Variants in MEGF11 observed in about 807,000 individuals in gnomAD.
MEGF11 encodes multiple EGF like domains 11, also known as multiple epidermal growth factor-like domains protein 11.
MEGF11 carries 126 observed loss-of-function variants against 146.6 expected under a neutral mutation model. The observed-to-expected ratio is 0.86, with a 90% confidence interval of 0.74 to 1.00. The LOEUF is 1.00. Ranked by LOEUF, MEGF11 falls within the 50% of genes least tolerant of loss-of-function variation. MEGF11 has a pLI of 0.00. For missense variants in MEGF11, 1,509 were observed against 1,521.2 expected, an observed-to-expected ratio of 0.99 and a Z score of 0.13; for synonymous variants, 532 against 583.4, an observed-to-expected ratio of 0.91 and a Z score of 1.27.
intron 5 of MEGF11, among the ~76,000 whole-genome samples, chr15:66,079,537 A>AACC (rs796735897): frequency 8.2e-6 from 1 of 122,060 alleles, no homozygotes; most frequent in South Asian, 2.8e-4. Context: ...CTTCATTCAC[A>AACC]CCCCCCCCCC....
At chr15:66,094,627 G>C (rs550044679) in intron 4 of MEGF11, 133 bp from the exon 5 acceptor site, 2 of 699,466 alleles carry the variant, frequency 2.9e-6, no homozygotes, top group Non-Finnish European at 2.4e-6. Flanking sequence ...ACTGGCTTGG[G>C]GGGGAAAATC....
intron 5 of MEGF11, among the ~76,000 whole-genome samples, chr15:65,983,622 TTGTCTGGCTAA>T (rs758740152): frequency 2.1e-4 from 32 of 152,154 alleles, no homozygotes; most frequent in Non-Finnish European, 4.0e-4. Context: ...GATGTCTCAC[TTGTCTGGCTAA>T]TAGGGTGAGC....
chr15:65,952,994 G>A (rs772821151), intron 10 of MEGF11, among the ~76,000 whole-genome samples: 27 of 152,146 alleles, frequency 1.8e-4, no homozygotes, highest in Non-Finnish European at 3.2e-4. Flanking sequence ...CCCTGAGACC[G>A]ACCATTCAGG....
chr15:66,104,892 C>T (rs2086995013), intron 4 of MEGF11, among the ~76,000 whole-genome samples: 1 of 152,162 alleles, frequency 6.6e-6, no homozygotes, highest in Non-Finnish European at 1.5e-5. Context: ...TGGCCTCCTC[C>T]TCCTCCTCTT....
chr15:66,088,507 C>T (rs1005106508), intron 5 of MEGF11, among the ~76,000 whole-genome samples: 3 of 152,174 alleles, frequency 2.0e-5, no homozygotes, highest in Non-Finnish European at 2.9e-5. Flanking sequence ...GAAAAAGTAG[C>T]TGGGCGTGGT....
chr15:66,089,521 C>T (rs186385688), intron 5 of MEGF11, among the ~76,000 whole-genome samples: 68 of 152,262 alleles, frequency 4.5e-4, no homozygotes, highest in African/African-American at 1.5e-3. Context: ...GCCTGGAACC[C>T]AAAATGCAAA....
At chr15:66,066,311 C>G (rs544428188) in intron 5 of MEGF11, among the ~76,000 whole-genome samples, 1 of 150,190 alleles carries the variant, frequency 6.7e-6, no homozygotes, top group South Asian at 2.1e-4. Context: ...AACACCAGAG[C>G]CCCCCAGTTG....
rs1039589965 is a variant in MEGF11, at chr15:65,897,800, T to C, written c.*134A>G. The C allele has an allele frequency of 1.7e-5, 15 of 860,796 alleles. No homozygotes were observed. The African/African-American group carries it at 2.2e-4, about 13-fold the overall frequency. 53.3% of individuals were successfully genotyped at this position (860,796 alleles called of 1,614,324 possible). A position where few individuals can be genotyped will look rare whatever the true frequency, so the allele number is the denominator to read the frequency against. ...TCCCAGTCCCACCTGGACGCTCTTC[T>C]TTAGTTCCAGGTGAACGTAATAACT... On this transcript the variant is annotated 3_prime_UTR_variant, in exon 26 of 26. Coordinates refer to ENST00000395614, the MANE Select transcript of MEGF11 (RefSeq NM_001385028.1).
intron 1 of MEGF11, among the ~76,000 whole-genome samples, chr15:66,244,620 G>A (rs1199476057): frequency 1.3e-5 from 2 of 152,100 alleles, no homozygotes; most frequent in Admixed American, 6.6e-5. Context: ...CCAGAGCCAC[G>A]CTTTCCTCAT....
intron 7 of MEGF11, among the ~76,000 whole-genome samples, chr15:65,972,768 AG>A (rs1235544608): frequency 6.6e-6 from 1 of 152,240 alleles, no homozygotes; most frequent in Non-Finnish European, 1.5e-5. Context: ...AGCCTCAAAA[AG>A]TTAACCTTCC....
intron 5 of MEGF11, among the ~76,000 whole-genome samples, chr15:66,044,932 G>A (rs961134581): frequency 6.7e-6 from 1 of 150,222 alleles, no homozygotes; most frequent in African/African-American, 2.5e-5. Flanking sequence ...TTAACCATAA[G>A]GCTTGTGTCC....
intron 2 of MEGF11, among the ~76,000 whole-genome samples, chr15:66,127,450 G>A (rs972385217): frequency 6.6e-6 from 1 of 152,188 alleles, no homozygotes. Context: ...CTAGGGCTGG[G>A]CTATCCACCC....
chr15:66,222,887 G>T (rs1597160299), intron 1 of MEGF11, among the ~76,000 whole-genome samples: 1 of 152,336 alleles, frequency 6.6e-6, no homozygotes, highest in East Asian at 1.9e-4. Flanking sequence ...TACACTGCTG[G>T]TGGGAATGTA....
intron 5 of MEGF11, among the ~76,000 whole-genome samples, chr15:66,089,838 C>T (rs1194227494): frequency 1.3e-5 from 2 of 152,158 alleles, no homozygotes; most frequent in Non-Finnish European, 2.9e-5. Context: ...AAACTTTCTT[C>T]CTTTTTATCT....
rs750343878 is a variant in MEGF11, at chr15:65,922,244, G to A, written c.1957+94C>T. ...AGAGGGAAGGAGCTACCTCCATAGC[G>A]TATGATGAAAATCCCCAAGCCCTTC... is the stretch of plus-strand genomic sequence containing the variant. On this transcript the variant is annotated intron_variant, in intron 15 of 25. Coordinates refer to ENST00000395614, the MANE Select transcript of MEGF11 (RefSeq NM_001385028.1). 5.4e-5 allele frequency: 79 copies of A among 1,466,626 alleles called. No homozygotes were observed. The African/African-American group carries it at 8.2e-4, about 15-fold the overall frequency. 90.9% of individuals were successfully genotyped at this position (1,466,626 alleles called of 1,614,324 possible). A position where few individuals can be genotyped will look rare whatever the true frequency, so the allele number is the denominator to read the frequency against.
chr15:66,134,197 G>A (rs1025511243), intron 1 of MEGF11, among the ~76,000 whole-genome samples: 4 of 151,960 alleles, frequency 2.6e-5, no homozygotes, highest in Non-Finnish European at 4.4e-5. Flanking sequence ...AGTAGAAACC[G>A]CCAAACTAAT....
intron 9 of MEGF11, among the ~76,000 whole-genome samples, chr15:65,961,848 G>A (rs2080868017): frequency 6.6e-6 from 1 of 152,010 alleles, no homozygotes; most frequent in Non-Finnish European, 1.5e-5. Flanking sequence ...AGGGAGCTTT[G>A]AGGCTAGGCT....
rs57977250 is a variant in MEGF11 at position 65,950,584 on chromosome 15, G to GACAC, written c.1287+6959_1287+6962dup. On this transcript the variant is annotated intron_variant, in intron 10 of 25. Transcript: ENST00000395614. ...CAATAGAGTGAGGCTTAGACACACA[G>GACAC]ACACACACACACACACACACACACA... Among the ~76,000 whole-genome samples the GACAC allele has an allele frequency of 1.8e-3, 267 of 148,936 alleles. 2 individuals carry two copies. The highest frequency in any genetic ancestry group is 0.014 in the East Asian group (70 of 5,002).
intron 4 of MEGF11, among the ~76,000 whole-genome samples, chr15:66,109,921 CAG>C (rs1379607356): frequency 6.6e-6 from 1 of 152,202 alleles, no homozygotes. Flanking sequence ...GAAAGCCTCG[CAG>C]AGACTTGATC....
Sources: gnomAD v4.1 joint callset for allele counts (sites outside exome capture counted in the v4.1 genomes callset) on GRCh38, gnomAD v4.1.1 for gene constraint, MANE v1.5 for transcripts, NCBI Gene and HGNC (gene_info 2026-07-23, HGNC 2026-07-21) for gene names.